GNG2: variants seen among roughly 807,000 people sequenced by gnomAD.
GNG2 encodes the protein guanine nucleotide-binding protein G(I)/G(S)/G(O) subunit gamma-2.
GNG2 carries 5 observed loss-of-function variants against 5.5 expected under a neutral mutation model. That is an observed-to-expected ratio of 0.91 (90% CI 0.48 to 1.92). The LOEUF (loss-of-function observed/expected upper bound fraction) is 1.92, where lower values mean the gene tolerates loss of function less well. Ranked by LOEUF, GNG2 falls within the 30% of genes most tolerant of loss-of-function variation. The pLI is 0.01. For synonymous variants in GNG2, 28 were observed against 32.0 expected (o/e 0.88, Z 0.42); for missense variants, 55 against 88.4 (o/e 0.62, Z 1.52).
rs1329417101 is a variant in GNG2 at position 51,950,686 on chromosome 14, G to A, written c.8G>A (p.Ser3Asn). 6.2e-7 allele frequency: 1 copy of A among 1,610,682 alleles called. No homozygotes were observed. Among genetic ancestry groups the A allele is most frequent in the Non-Finnish European group, 8.5e-7 (1 of 1,178,370 alleles). ...GATCTATCCAGCACTCCGATGGCCA[G>A]CAACAACACCGCCAGCATAGCACAA... Reference protein sequence around the residue: MASNNTASIAQAR... With the variant: MANNNTASIAQAR... Residue 3 changes from serine (S) to asparagine (N), a missense_variant, in exon 3 of 4, where the codon AGC (serine) becomes AAC (asparagine). Ser to Asn is a conservative substitution (Grantham distance 46). Transcript: ENST00000556766.
intron 2 of GNG2, among the ~76,000 whole-genome samples, chr14:51,942,877 G>A (rs1002737362): frequency 2.6e-5 from 4 of 152,060 alleles, no homozygotes; most frequent in Non-Finnish European, 4.4e-5. Context: ...CTTGGCAGGT[G>A]CTGGCAACTA....
chr14:51,828,595 G>C (rs1369937042), intron 2 of GNG2, among the ~76,000 whole-genome samples: 3 of 152,104 alleles, frequency 2.0e-5, no homozygotes, highest in African/African-American at 7.2e-5. Context: ...CTGACTCACG[G>C]CCACACTGAG....
At chr14:51,936,648 C>T (rs1888027492) in intron 2 of GNG2, among the ~76,000 whole-genome samples, 2 of 151,704 alleles carry the variant, frequency 1.3e-5, no homozygotes, top group South Asian at 2.1e-4. Context: ...ACTTCTGGCT[C>T]CAGCGATCCT....
intron 1 of GNG2, among the ~76,000 whole-genome samples, chr14:51,875,936 A>C (rs1883627127): frequency 1.1e-5 from 1 of 95,000 alleles, no homozygotes; most frequent in Admixed American, 1.0e-4. Flanking sequence ...TCATCATTTA[A>C]ACATTTTTTT....
At chr14:51,864,844 C>CAGT (rs1252413628) in intron 1 of GNG2, among the ~76,000 whole-genome samples, 3 of 152,202 alleles carry the variant, frequency 2.0e-5, no homozygotes, top group Non-Finnish European at 2.9e-5. Context: ...GGAGGGGCTA[C>CAGT]AGTAGTTAAA....
chr14:51,966,503 G>A, intron 3 of GNG2, 56 bp from the exon 4 acceptor site: 1 of 1,533,608 alleles, frequency 6.5e-7, no homozygotes, highest in Non-Finnish European at 9.0e-7. Flanking sequence ...TAAAGCCTTG[G>A]GCCTTGACTG....
At chr14:51,945,451 G>A (rs925487752) in intron 2 of GNG2, among the ~76,000 whole-genome samples, 1 of 152,178 alleles carries the variant, frequency 6.6e-6, no homozygotes, top group Non-Finnish European at 1.5e-5. Flanking sequence ...AATACTATAT[G>A]ATTCCACTTC....
At chr14:51,856,147 C>T (rs529803749), upstream of GNG2, among the ~76,000 whole-genome samples, 61 of 152,078 alleles carry the variant, frequency 4.0e-4, no homozygotes, top group Non-Finnish European at 2.2e-4. Context: ...CACTGCACTA[C>T]ACCCTGGGTA....
At chr14:51,850,624 G>A (rs754816774) in intron 2 of GNG2, among the ~76,000 whole-genome samples, 1 of 152,184 alleles carries the variant, frequency 6.6e-6, no homozygotes, top group Non-Finnish European at 1.5e-5. Context: ...TCTGAGACTG[G>A]ATAATTTATA....
chr14:51,914,204 G>C (rs1447681600), intron 2 of GNG2: 2 of 701,932 alleles, frequency 2.8e-6, no homozygotes, highest in East Asian at 2.7e-5. Flanking sequence ...ATTCTAGCTG[G>C]AGGCTGCCAG....
intron 2 of GNG2, among the ~76,000 whole-genome samples, chr14:51,936,642 C>A (rs924677865): frequency 6.6e-6 from 1 of 151,572 alleles, no homozygotes; most frequent in African/African-American, 2.4e-5. Context: ...CCTCAGACTT[C>A]TGGCTCCAGC....
intron 3 of GNG2, among the ~76,000 whole-genome samples, chr14:51,961,917 A>G (rs1479131049): frequency 6.6e-6 from 1 of 152,216 alleles, no homozygotes; most frequent in Non-Finnish European, 1.5e-5. Context: ...TTTTCTACAA[A>G]TTACAATGAG....
chr14:51,895,352 G>C (rs1035184235), intron 2 of GNG2, among the ~76,000 whole-genome samples: 2 of 152,148 alleles, frequency 1.3e-5, no homozygotes, highest in African/African-American at 4.8e-5. Context: ...TGAGCTAATA[G>C]AATAAATAAA....
chr14:51,865,758 T>C (rs922555022), intron 1 of GNG2, among the ~76,000 whole-genome samples: 1 of 152,222 alleles, frequency 6.6e-6, no homozygotes, highest in South Asian at 2.1e-4. Context: ...TATGTAAATA[T>C]GGAGTTTCTG....
At chr14:51,941,675 G>A (rs1221530982) in intron 2 of GNG2, among the ~76,000 whole-genome samples, 2 of 152,206 alleles carry the variant, frequency 1.3e-5, no homozygotes, top group South Asian at 2.1e-4. Flanking sequence ...GAAATAAGGG[G>A]TTGTGTGTTT....
chr14:51,860,789 A>G lies in GNG2; in HGVS notation c.-72A>G, dbSNP rs192425726. On this transcript the variant is annotated splice_region_variant and 5_prime_UTR_variant, in exon 1 of 4. Transcript: ENST00000556766. ...TCCTCGGACCAAGCCTCGGGAGCTA[A>G]GGTAAATGAAACGTTTTCCATGTTG... The G allele has an allele frequency of 4.9e-3, 741 of 152,254 alleles. 6 individuals carry two copies. The highest frequency in any genetic ancestry group is 0.01 in the Middle Eastern group (3 of 294). 9.4% of individuals were successfully genotyped at this position (152,254 alleles called of 1,614,324 possible). A position where few individuals can be genotyped will look rare whatever the true frequency, so the allele number is the denominator to read the frequency against.
intron 2 of GNG2, among the ~76,000 whole-genome samples, chr14:51,899,308 C>A (rs1188376964): frequency 6.6e-6 from 1 of 152,180 alleles, no homozygotes; most frequent in Middle Eastern, 3.2e-3. Context: ...AGTCTCTGAG[C>A]CAGCCCTACT....
intron 1 of GNG2, among the ~76,000 whole-genome samples, chr14:51,871,047 TATCTG>T (rs943339198): frequency 6.6e-6 from 1 of 152,198 alleles, no homozygotes; most frequent in African/African-American, 2.4e-5. Flanking sequence ...GGAGAGTATT[TATCTG>T]ATCTATGTTA....
At chr14:51,952,700 G>T (rs1889058090) in intron 3 of GNG2, among the ~76,000 whole-genome samples, 1 of 152,196 alleles carries the variant, frequency 6.6e-6, no homozygotes, top group African/African-American at 2.4e-5. Flanking sequence ...AAAGATAATA[G>T]AAATAGAGCT....
Sources: allele counts gnomAD v4.1 joint callset (sites outside exome capture counted in the v4.1 genomes callset), GRCh38; gene constraint gnomAD v4.1.1; transcripts MANE v1.5; gene names NCBI Gene and HGNC (gene_info 2026-07-23, HGNC 2026-07-21).